Variants in RAPGEF4 observed in about 807,000 individuals in gnomAD.
RAPGEF4 encodes RAP guanine-nucleotide-exchange factor (GEF) 4.
In RAPGEF4, 66 loss-of-function variants were observed where a neutral mutation model predicts 147.9. The ratio of observed to expected loss-of-function variants is 0.45; its 90% CI spans 0.37 to 0.55. The LOEUF is 0.55. Among genes scored for constraint, RAPGEF4 ranks in the 20% least tolerant of loss-of-function variants. The pLI is 0.00. For synonymous variants in RAPGEF4, 419 were observed against 442.7 expected, an observed-to-expected ratio of 0.95 and a Z score of 0.67; for missense variants, 1,071 against 1,257.3, an observed-to-expected ratio of 0.85 and a Z score of 2.24.
intron 1 of RAPGEF4, among the ~76,000 whole-genome samples, chr2:172,788,106 C>T (rs968862243): frequency 6.6e-6 from 1 of 152,156 alleles, no homozygotes; most frequent in Admixed American, 6.5e-5. Context: ...TCTCTGGGGT[C>T]TCTTATAATA....
chr2:172,965,319 A>C, intron 8 of RAPGEF4: 1 of 519,684 alleles, frequency 1.9e-6, no homozygotes, highest in Non-Finnish European at 3.4e-6. Flanking sequence ...TGGTGCTACA[A>C]GTTGTAATGC....
chr2:173,025,061 C>A (rs929258502), intron 23 of RAPGEF4, among the ~76,000 whole-genome samples: 6 of 152,316 alleles, frequency 3.9e-5, no homozygotes, highest in African/African-American at 1.4e-4. Context: ...TTCCAAATAC[C>A]CAATAACTTC....
At chr2:172,828,797 A>ATC (rs1689972176) in intron 4 of RAPGEF4, among the ~76,000 whole-genome samples, 1 of 152,118 alleles carries the variant, frequency 6.6e-6, no homozygotes, top group Non-Finnish European at 1.5e-5. Flanking sequence ...AACGCCTCCC[A>ATC]GTTCAGGCAA....
chr2:172,990,817 AG>A lies in RAPGEF4; in HGVS notation c.1384del (p.Ala462ArgfsTer39). The A allele has an allele frequency of 6.2e-7, 1 of 1,612,594 alleles. No homozygotes were observed. The highest frequency in any genetic ancestry group is 8.5e-7 in the Non-Finnish European group (1 of 1,178,810). Reference sequence around the variant, plus strand: ...TGTAATTTGTATTTGCAGGACGTGGAGGCGAATACAGTCAGACTTAAAGAAC... The same window carrying A: ...TGTAATTTGTATTTGCAGGACGTGGAGCGAATACAGTCAGACTTAAAGAAC... The part of the protein sequence containing the change: ...EDFNRILRDV[E>X]ANTVRLKEHD... On this transcript the variant is annotated frameshift_variant, in exon 15 of 31. Coordinates refer to ENST00000397081, the MANE Select transcript of RAPGEF4 (RefSeq NM_007023.4). LOFTEE classifies it high-confidence loss of function.
chr2:172,910,567 C>T (rs752783635), intron 4 of RAPGEF4, among the ~76,000 whole-genome samples: 39 of 152,330 alleles, frequency 2.6e-4, no homozygotes, highest in Non-Finnish European at 4.3e-4. Context: ...ATGCCTTGCC[C>T]GTGCTCCACA....
chr2:172,856,822 C>CT (rs1693466227), intron 4 of RAPGEF4, among the ~76,000 whole-genome samples: 2 of 152,198 alleles, frequency 1.3e-5, no homozygotes, highest in Non-Finnish European at 2.9e-5. Context: ...TCCCTGAACT[C>CT]TGTCCTCTGG....
At chr2:172,971,208 T>TA (rs2105544075) in intron 10 of RAPGEF4, among the ~76,000 whole-genome samples, 1 of 152,216 alleles carries the variant, frequency 6.6e-6, no homozygotes, top group South Asian at 2.1e-4. Context: ...CAACTGTGGA[T>TA]AAAAAAGAGG....
At chr2:173,009,462 A>G (rs1203522480) in intron 17 of RAPGEF4, among the ~76,000 whole-genome samples, 10 of 152,230 alleles carry the variant, frequency 6.6e-5, no homozygotes. Flanking sequence ...ATGCTTCCAG[A>G]TGGTGAGAAA....
At chr2:172,944,118 G>T (rs1383125735) in intron 6 of RAPGEF4, among the ~76,000 whole-genome samples, 2 of 152,122 alleles carry the variant, frequency 1.3e-5, no homozygotes, top group African/African-American at 2.4e-5. Context: ...AAACACACGG[G>T]AACATCTTAG....
At chr2:172,905,224 T>A (rs1216922794) in intron 4 of RAPGEF4, among the ~76,000 whole-genome samples, 1 of 152,178 alleles carries the variant, frequency 6.6e-6, no homozygotes, top group Non-Finnish European at 1.5e-5. Context: ...CTTTTTTTCC[T>A]TTCCGGCATC....
At chr2:173,026,790 A>G (rs1267103727) in intron 24 of RAPGEF4, 93 bp downstream of exon 24, 1 of 1,493,890 alleles carries the variant, frequency 6.7e-7, no homozygotes, top group Non-Finnish European at 9.0e-7. Flanking sequence ...ATGTGCTACA[A>G]TATGGAAACC....
intron 1 of RAPGEF4, among the ~76,000 whole-genome samples, chr2:172,793,917 C>T (rs914330902): frequency 7.9e-5 from 12 of 152,040 alleles, no homozygotes; most frequent in African/African-American, 2.7e-4. Flanking sequence ...GGGAGGATTG[C>T]TTGAGCCCAG....
chr2:172,762,943 G>T (rs2149471204), intron 1 of RAPGEF4, among the ~76,000 whole-genome samples: 1 of 152,334 alleles, frequency 6.6e-6, no homozygotes, highest in African/African-American at 2.4e-5. Context: ...AGGCCAGTGT[G>T]CTGTTATGAG....
chr2:172,838,405 A>C (rs939759963), intron 4 of RAPGEF4, among the ~76,000 whole-genome samples: 3 of 152,132 alleles, frequency 2.0e-5, no homozygotes, highest in African/African-American at 4.8e-5. Flanking sequence ...AATTAGGTTT[A>C]GTTCTAAAGT....
intron 1 of RAPGEF4, among the ~76,000 whole-genome samples, chr2:172,745,365 G>A (rs900308984): frequency 7.9e-5 from 12 of 151,758 alleles, no homozygotes; most frequent in Non-Finnish European, 1.5e-4. Context: ...ACATAGAGTT[G>A]TTCATAGTAT....
intron 8 of RAPGEF4, among the ~76,000 whole-genome samples, chr2:172,961,599 T>C (rs1009393113): frequency 1.3e-5 from 2 of 152,226 alleles, no homozygotes; most frequent in Admixed American, 6.5e-5. Flanking sequence ...TTTTGATATA[T>C]TAGCTCATTT....
At chr2:172,930,967 C>T (rs1481980748) in intron 6 of RAPGEF4, among the ~76,000 whole-genome samples, 1 of 152,136 alleles carries the variant, frequency 6.6e-6, no homozygotes, top group Non-Finnish European at 1.5e-5. Flanking sequence ...TCTCCAAAGA[C>T]ATTAGTATGA....
chr2:172,761,119 T>A (rs201290490), intron 1 of RAPGEF4, among the ~76,000 whole-genome samples: 5 of 143,836 alleles, frequency 3.5e-5, no homozygotes, highest in East Asian at 2.0e-4. Context: ...TTTTTTTTAA[T>A]TTTTTTTTCT....
At chr2:173,027,699 A>G (rs1262572287) in intron 25 of RAPGEF4, among the ~76,000 whole-genome samples, 1 of 152,262 alleles carries the variant, frequency 6.6e-6, no homozygotes, top group Non-Finnish European at 1.5e-5. Flanking sequence ...TTAAATCGGT[A>G]AAATGCATGC....
Sources: gnomAD v4.1 joint callset for allele counts (sites outside exome capture counted in the v4.1 genomes callset) on GRCh38, gnomAD v4.1.1 for gene constraint, MANE v1.5 for transcripts, NCBI Gene and HGNC (gene_info 2026-07-23, HGNC 2026-07-21) for gene names.